The following GGH variants were observed in gnomAD, a reference collection of about 807,000 sequenced individuals.
GGH encodes the protein gamma-Glu-X carboxypeptidase.
GGH carries 18 observed loss-of-function variants against 39.2 expected under a neutral mutation model. The observed-to-expected ratio is 0.46, with a 90% CI of 0.32 to 0.68. GGH has a LOEUF of 0.68. GGH is among the 30% of genes least tolerant of loss of function. The pLI is 0.04. For missense variants in GGH, 367 were observed against 384.1 expected (o/e 0.96, Z 0.37); for synonymous variants, 147 against 138.8 (o/e 1.06, Z -0.42).
In GGH at chr8:63,023,988, T is replaced by C. The variant is rs199583082; in HGVS notation, c.616A>G (p.Met206Val). ...AAAAACTTCTTTAACTTTTCATTCA[T>C]TGTAAAATTCTAGAATACGAAAATA... ...KWSLSVKNFTMNEKLKKFFNV... is the reference protein window; with the variant it reads ...KWSLSVKNFTVNEKLKKFFNV... Residue 206 changes from methionine (M) to valine (V), a missense_variant, in exon 7 of 9, where the codon ATG becomes GTG. By Grantham distance (21) the Met-to-Val change is conservative. Transcript: ENST00000260118. 599 of 1,583,892 alleles carry C rather than the reference T, an allele frequency of 3.8e-4. 4 individuals are homozygous for C. In the South Asian group the frequency reaches 6.4e-3, roughly 17 times the overall value.
intron 3 of GGH, 90 bp from the exon 4 acceptor site, chr8:63,027,355 A>AT: frequency 1.5e-6 from 1 of 657,534 alleles, no homozygotes; most frequent in Non-Finnish European, 2.7e-6. Flanking sequence ...TTTTAAAACA[A>AT]TTTTTCTTAT....
At chr8:63,029,571 T>G (rs1171317568) in intron 3 of GGH, among the ~76,000 whole-genome samples, 1 of 152,106 alleles carries the variant, frequency 6.6e-6, no homozygotes, top group Non-Finnish European at 1.5e-5. Flanking sequence ...AGGGTATACG[T>G]GTTTCTAATT....
Position 63,034,679 on chromosome 8 carries a change from C to CA in GGH, c.224+976dup, listed in dbSNP as rs889305039. Among the ~76,000 whole-genome samples, 8 of 152,076 alleles carry CA rather than the reference C, an allele frequency of 5.3e-5. No individual in the cohort carries two copies. In the South Asian group the frequency reaches 6.2e-4, roughly 12 times the overall value. ...TTATTCTTATAGGAACATTTTATCA[C>CA]AAAAATAATGCAGTGCCTTTAAAAC... On this transcript the variant is annotated intron_variant, in intron 2 of 8. Coordinates refer to ENST00000260118, the MANE Select transcript of GGH (RefSeq NM_003878.3).
chr8:63,025,467 T>C (rs964041248), intron 5 of GGH, among the ~76,000 whole-genome samples: 1 of 152,132 alleles, frequency 6.6e-6, no homozygotes, highest in Admixed American at 6.5e-5. Context: ...CGCTTCCCGG[T>C]AGATCATCTA....
Position 63,038,717 on chromosome 8 carries a change from C to A in GGH, c.52G>T (p.Ala18Ser). Residue 18 changes from alanine to serine, a missense_variant, in exon 1 of 9, where the codon GCG becomes TCG. Transcript: ENST00000260118. ...GGTCTAGACAGCTCGAGGCTCGCCG[C>A]CCCGCAGAGTAGCAGGCCCAGCACG... The part of the protein sequence containing the change: ...LCVLGLLLCG[A>S]ASLELSRPHG... The A allele has an allele frequency of 6.3e-7, 1 of 1,585,384 alleles. No individual in the cohort carries two copies. Among genetic ancestry groups the A allele is most frequent in the Non-Finnish European group, 8.6e-7 (1 of 1,166,674 alleles).
chr8:63,021,965 T>C, intron 7 of GGH, among the ~76,000 whole-genome samples: 2 of 152,162 alleles, frequency 1.3e-5, no homozygotes, highest in African/African-American at 2.4e-5. Flanking sequence ...TGAGCCACCA[T>C]GCCCAGACCT....
chr8:63,031,896 A>G (rs1045505487), intron 2 of GGH, among the ~76,000 whole-genome samples: 9 of 152,236 alleles, frequency 5.9e-5, no homozygotes, highest in African/African-American at 1.9e-4. Flanking sequence ...ATGATGGCAA[A>G]TGACACACAG....
At chr8:63,021,760 G>A (rs1043397490) in intron 7 of GGH, among the ~76,000 whole-genome samples, 9 of 132,210 alleles carry the variant, frequency 6.8e-5, no homozygotes, top group Non-Finnish European at 9.2e-5. Context: ...TGAAACCTCC[G>A]CCCACTAGGT....
chr8:63,027,947 T>G (rs1804728042), intron 3 of GGH, among the ~76,000 whole-genome samples: 3 of 152,150 alleles, frequency 2.0e-5, no homozygotes, highest in Admixed American at 2.0e-4. Context: ...CTTTTAAAAT[T>G]AAACTTTAAA....
At chr8:63,025,861 AG>A (rs1377289367) in intron 5 of GGH, among the ~76,000 whole-genome samples, 1 of 152,212 alleles carries the variant, frequency 6.6e-6, no homozygotes, top group Non-Finnish European at 1.5e-5. Context: ...TGACAAAGCT[AG>A]GAGTCAAAAC....
intron 2 of GGH, among the ~76,000 whole-genome samples, chr8:63,032,016 C>G (rs925386343): frequency 1.3e-5 from 2 of 152,130 alleles, no homozygotes; most frequent in African/African-American, 4.8e-5. Flanking sequence ...AATTCAGACT[C>G]TTATAAAGTT....
In GGH at chr8:63,026,252, A is replaced by G; in HGVS notation, c.405T>C (p.Leu135=). 1 of 1,610,386 alleles carries G rather than the reference A, an allele frequency of 6.2e-7. No individual in the cohort carries two copies. The highest frequency in any genetic ancestry group is 8.5e-7 in the Non-Finnish European group (1 of 1,177,394). ...TCAGCAGTGAAAGCTCTTCAAATCCAAGGCATGTGCCCCACACAGGAAAAT... is the reference window on the plus strand; with the variant it reads ...TCAGCAGTGAAAGCTCTTCAAATCCGAGGCATGTGCCCCACACAGGAAAAT... The part of the protein sequence containing the change: ...GDYFPVWGTC[L]GFEELSLLIS... The change falls in exon 5 of 9, where the codon CTT becomes CTC. Residue 135 remains leucine, a synonymous_variant. Transcript: ENST00000260118.
chr8:63,031,436 G>A (rs1204829369), intron 2 of GGH, among the ~76,000 whole-genome samples: 1 of 152,178 alleles, frequency 6.6e-6, no homozygotes, highest in African/African-American at 2.4e-5. Context: ...CATGTACCCA[G>A]TATTCTGCCA....
intron 2 of GGH, among the ~76,000 whole-genome samples, chr8:63,034,355 T>C (rs1260602088): frequency 6.6e-6 from 1 of 152,128 alleles, no homozygotes; most frequent in Non-Finnish European, 1.5e-5. Flanking sequence ...TAAAGCCATT[T>C]TGTGGTACAA....
rs755704305 is a variant in GGH, at chr8:63,024,129, G to A, written c.557C>T (p.Ala186Val). Residue 186 changes from alanine to valine, a missense_variant, in exon 6 of 9, where the codon GCA becomes GTA. Physicochemically the swap from Ala to Val is moderately conservative, Grantham distance 64 (BLOSUM62 0). Transcript: ENST00000260118. ...GAAATTGGCAGTCAGAGGTTCTACT[G>A]CTAATGACAGCAACAACTCAGTAGG... is the stretch of plus-strand genomic sequence containing the variant. Reference protein sequence around the residue: ...NFPTELLLSLAVEPLTANFHK... With the variant: ...NFPTELLLSLVVEPLTANFHK... 8.1e-6 allele frequency: 13 copies of A among 1,611,498 alleles called. No homozygotes were observed. The highest frequency in any genetic ancestry group is 1.1e-5 in the Non-Finnish European group (13 of 1,177,836).
chr8:63,026,486 G>A (rs1804686246), intron 4 of GGH, among the ~76,000 whole-genome samples, 190 bp from the exon 5 acceptor site: 1 of 152,130 alleles, frequency 6.6e-6, no homozygotes, highest in African/African-American at 2.4e-5. Flanking sequence ...TGGAAAACAT[G>A]AGCTGTGGAC....
chr8:63,020,170 T>C (rs984200643), intron 7 of GGH, among the ~76,000 whole-genome samples: 17 of 152,238 alleles, frequency 1.1e-4, no homozygotes, highest in African/African-American at 4.1e-4. Flanking sequence ...TGCAGTTTCC[T>C]GAAAACTAGG....
At chr8:63,021,669 C>CTTTTTTTT (rs752057959) in intron 7 of GGH, among the ~76,000 whole-genome samples, 82 of 93,316 alleles carry the variant, frequency 8.8e-4, no homozygotes, top group East Asian at 4.3e-3. Context: ...ATCTCATATC[C>CTTTTTTTT]TTTTTTTTTT....
chr8:63,023,808 A>G, intron 7 of GGH, 99 bp downstream of exon 7: 1 of 915,454 alleles, frequency 1.1e-6, no homozygotes, highest in Non-Finnish European at 1.5e-6. Context: ...ACCCCTCTTC[A>G]AGCCCCAAAG....
Sources: gnomAD v4.1 joint callset for allele counts (sites outside exome capture counted in the v4.1 genomes callset) on GRCh38, gnomAD v4.1.1 for gene constraint, MANE v1.5 for transcripts, NCBI Gene and HGNC (gene_info 2026-07-23, HGNC 2026-07-21) for gene names.